Variants in TRABD2A observed in about 807,000 individuals in gnomAD.
TRABD2A encodes the protein TraB domain containing 2A.
In TRABD2A, 43 loss-of-function variants were observed where a neutral mutation model predicts 45.6. That is an observed-to-expected ratio of 0.94 (90% CI 0.74 to 1.22). The LOEUF is 1.22. Among genes scored for constraint, TRABD2A ranks in the 50% most tolerant of loss-of-function variants. The pLI is 0.00. For synonymous variants in TRABD2A, 269 were observed against 265.0 expected, an observed-to-expected ratio of 1.02 and a Z score of -0.15; for missense variants, 642 against 652.4, an observed-to-expected ratio of 0.98 and a Z score of 0.17.
At chr2:84,833,620 A>T (rs1392272259) in intron 4 of TRABD2A, 1 of 152,142 alleles carries the variant, frequency 6.6e-6, no homozygotes, top group African/African-American at 2.4e-5. Context: ...AAGTTTTAAA[A>T]GCACACGGTA....
intron 2 of TRABD2A, among the ~76,000 whole-genome samples, chr2:84,855,840 G>A (rs1225196866): frequency 6.6e-6 from 1 of 152,120 alleles, no homozygotes; most frequent in Non-Finnish European, 1.5e-5. Context: ...GGTTGAGGGG[G>A]TGGGTGAGGG....
At position 84,856,781 on chromosome 2, in the gene TRABD2A, C is replaced by G. The variant is rs145922246; in HGVS notation, c.669+13444G>C. ...TCCTTTTCAATCAGTTCAGCTCCAG[C>G]CCTGACTTCCAAGGGCTAAATGAGC... On this transcript the variant is annotated intron_variant, in intron 2 of 6. Coordinates refer to ENST00000409520, the MANE Select transcript of TRABD2A (RefSeq NM_001277053.2). Among the ~76,000 whole-genome samples, 409 of 152,278 alleles carry G rather than the reference C, an allele frequency of 2.7e-3. 3 individuals are homozygous for G. The highest frequency in any genetic ancestry group is 9.5e-3 in the African/African-American group (395 of 41,546).
chr2:84,856,933 C>T (rs1435742392), intron 2 of TRABD2A, among the ~76,000 whole-genome samples: 1 of 152,190 alleles, frequency 6.6e-6, no homozygotes, highest in Non-Finnish European at 1.5e-5. Context: ...TGAATGAGGT[C>T]ATAAGGGCGG....
intron 1 of TRABD2A, among the ~76,000 whole-genome samples, chr2:84,878,115 G>T (rs1047412783): frequency 6.6e-6 from 1 of 152,160 alleles, no homozygotes; most frequent in East Asian, 1.9e-4. Context: ...TCACCTTTAC[G>T]AGAGTAATCA....
chr2:84,879,551 T>C (rs1683134849), intron 1 of TRABD2A: 9 of 977,502 alleles, frequency 9.2e-6, no homozygotes, highest in Non-Finnish European at 1.1e-5. Context: ...AAAGGACTCA[T>C]AAAGACAGAT....
At chr2:84,828,643 C>T (rs1391042936) in intron 5 of TRABD2A, among the ~76,000 whole-genome samples, 1 of 152,186 alleles carries the variant, frequency 6.6e-6, no homozygotes, top group Non-Finnish European at 1.5e-5. Flanking sequence ...CCTCTCAGGT[C>T]CCCCACTGGC....
intron 2 of TRABD2A, among the ~76,000 whole-genome samples, chr2:84,848,375 T>TACATAGAC (rs1681974040): frequency 1.2e-5 from 1 of 80,560 alleles, no homozygotes; most frequent in Non-Finnish European, 2.5e-5. Context: ...GATAGATAGA[T>TACATAGAC]AGACAGACAG....
chr2:84,872,881 G>T (rs887175288), intron 1 of TRABD2A, among the ~76,000 whole-genome samples: 1 of 152,120 alleles, frequency 6.6e-6, no homozygotes, highest in African/African-American at 2.4e-5. Flanking sequence ...TCGGGAGGCC[G>T]AGGCGGGGGG....
Position 84,870,205 on chromosome 2 carries a change from T to C in TRABD2A, c.669+20A>G, listed in dbSNP as rs767717907. On this transcript the variant is annotated intron_variant, in intron 2 of 6. Transcript: ENST00000409520. ...ATACAACCAAATGCCACTAAGTCTT[T>C]TATGCAAAGAGAGTCTTACCTGTGA... The C allele has an allele frequency of 1.3e-6, 2 of 1,582,730 alleles. No individual in the cohort carries two copies. The highest frequency in any genetic ancestry group is 1.7e-6 in the Non-Finnish European group (2 of 1,160,996).
intron 3 of TRABD2A, among the ~76,000 whole-genome samples, chr2:84,841,048 T>G (rs1483498490): frequency 1.3e-5 from 2 of 152,180 alleles, no homozygotes; most frequent in East Asian, 3.9e-4. Flanking sequence ...CACTAGCTCC[T>G]GTCTCCCCTC....
chr2:84,862,969 G>A (rs1013430474), intron 2 of TRABD2A, among the ~76,000 whole-genome samples: 14 of 152,124 alleles, frequency 9.2e-5, no homozygotes, highest in Non-Finnish European at 1.5e-4. Flanking sequence ...AGACACTCCC[G>A]AGAGAGCTAA....
intron 2 of TRABD2A, among the ~76,000 whole-genome samples, chr2:84,851,995 T>G (rs1355787978): frequency 1.3e-5 from 2 of 152,186 alleles, no homozygotes; most frequent in Non-Finnish European, 2.9e-5. Flanking sequence ...TCTCCTCCCC[T>G]TGGCACAGGC....
intron 2 of TRABD2A, among the ~76,000 whole-genome samples, chr2:84,843,264 C>T (rs910231551): frequency 6.6e-6 from 1 of 152,092 alleles, no homozygotes; most frequent in African/African-American, 2.4e-5. Flanking sequence ...GCAATACAGA[C>T]AGGCTTGGTC....
chr2:84,823,412 T>C (rs542968916), intron 6 of TRABD2A, among the ~76,000 whole-genome samples: 1 of 152,276 alleles, frequency 6.6e-6, no homozygotes, highest in African/African-American at 2.4e-5. Flanking sequence ...TGAGATTAAT[T>C]TAACTGGATT....
At chr2:84,868,605 C>G (rs1013276399) in intron 2 of TRABD2A, among the ~76,000 whole-genome samples, 2 of 151,842 alleles carry the variant, frequency 1.3e-5, no homozygotes, top group Admixed American at 1.3e-4. Flanking sequence ...ACCAATATGG[C>G]GCATGTATAT....
intron 2 of TRABD2A, among the ~76,000 whole-genome samples, chr2:84,870,010 A>G (rs1682819314): frequency 6.7e-6 from 1 of 149,778 alleles, no homozygotes; most frequent in African/African-American, 2.5e-5. Flanking sequence ...TATTTGTTGG[A>G]ATGATAAGAA....
chr2:84,873,114 CA>C (rs34974821), intron 1 of TRABD2A, among the ~76,000 whole-genome samples: 419 of 70,678 alleles, frequency 5.9e-3, no homozygotes, highest in Middle Eastern at 0.038. Context: ...GACTTCATCT[CA>C]AAAAAAAAAA....
chr2:84,879,802 G>T (rs551406553), intron 1 of TRABD2A, among the ~76,000 whole-genome samples: 1 of 152,314 alleles, frequency 6.6e-6, no homozygotes, highest in East Asian at 1.9e-4. Flanking sequence ...ACGCCTTACA[G>T]AGGCGAACAC....
rs565430371 is a variant in TRABD2A, at chr2:84,872,747, G to T, written c.109-1962C>A. On this transcript the variant is annotated intron_variant, in intron 1 of 6. Transcript: ENST00000409520. ...ACTGTTGTTCCTAGGGGAAACATAG[G>T]GTTAAGTTCTTGTTCATAACATTTT... 6.6e-5 allele frequency among the ~76,000 whole-genome samples: 10 copies of T among 152,274 alleles called. No individual in the cohort carries two copies. The East Asian group carries it at 1.9e-3, about 29-fold the overall frequency.
Sources: allele counts gnomAD v4.1 joint callset (sites outside exome capture counted in the v4.1 genomes callset), GRCh38; gene constraint gnomAD v4.1.1; transcripts MANE v1.5; gene names NCBI Gene and HGNC (gene_info 2026-07-23, HGNC 2026-07-21).